The following LRRC1 variants were observed in gnomAD, a reference collection of about 807,000 sequenced individuals.
LRRC1 encodes the protein leucine-rich repeat-containing protein 1.
LRRC1 carries 28 observed loss-of-function variants against 69.9 expected under a neutral mutation model. The observed-to-expected ratio is 0.40, with a 90% confidence interval of 0.30 to 0.55. The LOEUF is 0.55. Among genes scored for constraint, LRRC1 ranks in the 20% least tolerant of loss-of-function variants. LRRC1 has a pLI of 0.47. For missense variants in LRRC1, 498 were observed against 609.0 expected, an observed-to-expected ratio of 0.82 and a Z score of 1.92; for synonymous variants, 236 against 240.2, an observed-to-expected ratio of 0.98 and a Z score of 0.16.
chr6:53,823,666 G>C (rs1246704276), intron 1 of LRRC1, among the ~76,000 whole-genome samples: 1 of 152,022 alleles, frequency 6.6e-6, no homozygotes, highest in Non-Finnish European at 1.5e-5. Context: ...CTCCACCTCA[G>C]GTAGGCCCCA....
chr6:53,835,151 G>C (rs1562036257), intron 1 of LRRC1, among the ~76,000 whole-genome samples: 1 of 152,124 alleles, frequency 6.6e-6, no homozygotes, highest in Non-Finnish European at 1.5e-5. Flanking sequence ...TTTTAATAAA[G>C]TCACAGTTGT....
intron 2 of LRRC1, among the ~76,000 whole-genome samples, chr6:53,877,386 G>A (rs78485726): frequency 0.028 from 4,248 of 152,304 alleles, 70 homozygotes; most frequent in Non-Finnish European, 0.042. Flanking sequence ...CATTGTCTCA[G>A]GGATTAACAT....
intron 5 of LRRC1, 51 bp downstream of exon 5, chr6:53,896,605 T>C (rs1234660306): frequency 2.6e-6 from 4 of 1,527,266 alleles, no homozygotes; most frequent in Non-Finnish European, 3.6e-6. Flanking sequence ...TGAATTTAAG[T>C]ATTTAAAAAA....
At chr6:53,838,597 T>C (rs1471539286) in intron 1 of LRRC1, among the ~76,000 whole-genome samples, 6 of 152,192 alleles carry the variant, frequency 3.9e-5, no homozygotes, top group Admixed American at 1.3e-4. Context: ...AGTAAACACA[T>C]TGATGTATTA....
chr6:53,857,070 T>TATCTAGATGGAGC (rs1766333342), intron 2 of LRRC1, among the ~76,000 whole-genome samples: 1 of 151,948 alleles, frequency 6.6e-6, no homozygotes, highest in Admixed American at 6.6e-5. Context: ...GCCGTTGGAG[T>TATCTAGATGGAGC]ATCTAGATGG....
intron 4 of LRRC1, among the ~76,000 whole-genome samples, chr6:53,892,091 C>T (rs1767725404): frequency 6.7e-6 from 1 of 149,342 alleles, no homozygotes; most frequent in South Asian, 2.1e-4. Context: ...TATATTATTA[C>T]CTATTTGCAA....
intron 4 of LRRC1, among the ~76,000 whole-genome samples, chr6:53,895,967 C>T (rs77132090): frequency 0.014 from 2,159 of 152,344 alleles, 47 homozygotes; most frequent in African/African-American, 0.049. Flanking sequence ...AGCGCAGCTG[C>T]CACTTGATCC....
chr6:53,907,484 G>A (rs1768278571), intron 10 of LRRC1, among the ~76,000 whole-genome samples: 1 of 152,142 alleles, frequency 6.6e-6, no homozygotes, highest in Non-Finnish European at 1.5e-5. Flanking sequence ...GTCACAATAT[G>A]GATTCTGTTT....
At chr6:53,834,800 C>T (rs965440553) in intron 1 of LRRC1, among the ~76,000 whole-genome samples, 3 of 152,058 alleles carry the variant, frequency 2.0e-5, no homozygotes, top group African/African-American at 7.2e-5. Context: ...GGTGAAACCC[C>T]ATCTCTACTA....
At chr6:53,840,489 G>A (rs891382274) in intron 1 of LRRC1, among the ~76,000 whole-genome samples, 2 of 151,334 alleles carry the variant, frequency 1.3e-5, no homozygotes, top group African/African-American at 2.4e-5. Context: ...TTTATTGGTC[G>A]CATGGTGGGC....
rs994058523 is a variant in LRRC1 at position 53,922,664 on chromosome 6, C to T, written c.1446C>T (p.His482=). Residue 482 remains histidine (H), a synonymous_variant, in exon 14 of 14, where the codon CAC becomes CAT. Coordinates refer to ENST00000370888, the MANE Select transcript of LRRC1 (RefSeq NM_018214.5). ...TRTLLRRATP[H]PGELKHMKKT... ...CACTTCTAAGGCGAGCCACTCCACA[C>T]CCAGGGGAGTTAAAGCACATGAAAA... 1 of 1,613,984 alleles carries T rather than the reference C, an allele frequency of 6.2e-7. No individual in the cohort carries two copies. Among genetic ancestry groups the T allele is most frequent in the Non-Finnish European group, 8.5e-7 (1 of 1,179,900 alleles).
chr6:53,869,742 A>G (rs1266122274), intron 2 of LRRC1, among the ~76,000 whole-genome samples: 1 of 119,722 alleles, frequency 8.4e-6, no homozygotes, highest in Non-Finnish European at 1.9e-5. Context: ...ACCATCATCA[A>G]ACAATTAATT....
At chr6:53,870,547 C>T (rs1581888520) in intron 2 of LRRC1, among the ~76,000 whole-genome samples, 2 of 152,048 alleles carry the variant, frequency 1.3e-5, no homozygotes, top group East Asian at 3.9e-4. Flanking sequence ...TTATGAAGTG[C>T]AGTGTTTTTG....
chr6:53,849,940 G>C (rs1396572483), intron 2 of LRRC1, among the ~76,000 whole-genome samples: 1 of 152,060 alleles, frequency 6.6e-6, no homozygotes, highest in Admixed American at 6.6e-5. Context: ...CTGGGGGATA[G>C]AGCAAGTCCC....
intron 8 of LRRC1, among the ~76,000 whole-genome samples, chr6:53,902,123 T>C (rs1768077770): frequency 6.6e-6 from 1 of 152,234 alleles, no homozygotes; most frequent in South Asian, 2.1e-4. Flanking sequence ...CGTCAAGTCT[T>C]CCTGGCCTGA....
At chr6:53,842,289 A>G in intron 2 of LRRC1, 62 bp downstream of exon 2, 2 of 1,129,530 alleles carry the variant, frequency 1.8e-6, no homozygotes. Flanking sequence ...TGTTTTTAGT[A>G]AATATAGCTA....
At chr6:53,886,652 G>A (rs997862019) in intron 4 of LRRC1, among the ~76,000 whole-genome samples, 3 of 151,852 alleles carry the variant, frequency 2.0e-5, no homozygotes, top group Non-Finnish European at 2.9e-5. Flanking sequence ...TTTCCATCCC[G>A]CTTATTCCAG....
chr6:53,884,042 G>A (rs932893184), intron 4 of LRRC1: 60 of 715,936 alleles, frequency 8.4e-5, no homozygotes, highest in Admixed American at 5.4e-4. Flanking sequence ...CATTAGACTT[G>A]CTAATTAAAA....
intron 2 of LRRC1, among the ~76,000 whole-genome samples, chr6:53,843,114 G>A (rs536957816): frequency 2.6e-5 from 4 of 152,140 alleles, no homozygotes; most frequent in Non-Finnish European, 5.9e-5. Context: ...GTTCTTGTAA[G>A]GACCCTGGTA....
Sources: allele counts gnomAD v4.1 joint callset (sites outside exome capture counted in the v4.1 genomes callset), GRCh38; gene constraint gnomAD v4.1.1; transcripts MANE v1.5; gene names NCBI Gene and HGNC (gene_info 2026-07-23, HGNC 2026-07-21).